The following ANP32A variants were observed in gnomAD, a reference collection of about 807,000 sequenced individuals.
The protein encoded by ANP32A is acidic nuclear phosphoprotein 32 family member A.
ANP32A carries 1 observed loss-of-function variant against 33.9 expected under a neutral mutation model. The observed-to-expected ratio is 0.03, with a 90% confidence interval of 0.01 to 0.14. ANP32A has a LOEUF of 0.14. Ranked by LOEUF, ANP32A falls within the 10% of genes least tolerant of loss-of-function variation. The pLI, the probability that ANP32A is intolerant of heterozygous loss-of-function variation, is 1.00. For synonymous variants in ANP32A, 115 were observed against 120.5 expected, an observed-to-expected ratio of 0.95 and a Z score of 0.30; for missense variants, 155 against 306.0, an observed-to-expected ratio of 0.51 and a Z score of 3.68.
At chr15:68,798,733 C>G (rs530885445) in intron 1 of ANP32A, among the ~76,000 whole-genome samples, 39 of 152,302 alleles carry the variant, frequency 2.6e-4, no homozygotes, top group African/African-American at 8.9e-4. Context: ...CTCTCCCCAC[C>G]ACCACCTTCC....
At chr15:68,803,687 G>A (rs952549845) in intron 1 of ANP32A, among the ~76,000 whole-genome samples, 4 of 151,562 alleles carry the variant, frequency 2.6e-5, no homozygotes, top group African/African-American at 2.4e-5. Context: ...ATGGAAAGTC[G>A]CTTTTACTAG....
intron 3 of ANP32A, among the ~76,000 whole-genome samples, chr15:68,785,699 G>A (rs560849940): frequency 3.7e-4 from 56 of 152,242 alleles, no homozygotes; most frequent in African/African-American, 1.2e-3. Flanking sequence ...AAGCAGGGGC[G>A]GAGAAAGCAC....
chr15:68,782,998 C>G lies in ANP32A; in HGVS notation c.582G>C (p.Glu194Asp). 1 of 1,551,324 alleles carries G rather than the reference C, an allele frequency of 6.4e-7. No homozygotes were observed. Among genetic ancestry groups the G allele is most frequent in the Non-Finnish European group, 8.7e-7 (1 of 1,146,388 alleles). Residue 194 changes from glutamate (E) to aspartate (D), a missense_variant, in exon 5 of 7, where the codon GAG (glutamate) becomes GAC (aspartate). By Grantham distance (45) the Glu-to-Asp change is conservative. This residue lies in a region of ANP32A where 63 missense variants were observed against 82.8 expected (regional missense o/e 0.76). Transcript: ENST00000465139. ...CGTCCTCCTCTTCACCTTCCTCCTC[C>G]TCATCCTCGTCCTCCTCGTCTTCCA... ...QVVEDEEDED[E>D]EEEGEEEDVS...
chr15:68,781,446 A>C (rs921305223), intron 5 of ANP32A: 1 of 143,928 alleles, frequency 6.9e-6, no homozygotes, highest in African/African-American at 2.6e-5. Flanking sequence ...TGTAACAGCT[A>C]TTAGCCAATA....
At chr15:68,811,316 TC>T (rs958335519) in intron 1 of ANP32A, among the ~76,000 whole-genome samples, 1 of 151,822 alleles carries the variant, frequency 6.6e-6, no homozygotes, top group African/African-American at 2.4e-5. Context: ...GGGAGAAGCA[TC>T]CCCAGCTGGA....
intron 1 of ANP32A, chr15:68,818,244 A>ATGGC: frequency 3.7e-6 from 1 of 268,052 alleles, no homozygotes; most frequent in Non-Finnish European, 7.9e-6. Flanking sequence ...CCCGGGAAAC[A>ATGGC]TGGCTGCTCG....
intron 4 of ANP32A, among the ~76,000 whole-genome samples, chr15:68,783,567 A>C (rs1188848821): frequency 6.6e-6 from 1 of 152,160 alleles, no homozygotes; most frequent in Non-Finnish European, 1.5e-5. Context: ...ATCTTGCAAA[A>C]CACTCCCAAT....
intron 1 of ANP32A, among the ~76,000 whole-genome samples, chr15:68,820,402 G>C (rs934790193): frequency 2.6e-5 from 4 of 151,986 alleles, no homozygotes; most frequent in Non-Finnish European, 4.4e-5. Flanking sequence ...AAACGCGTGC[G>C]CCCGCCGGCC....
chr15:68,809,336 TAC>T (rs1014241369), intron 1 of ANP32A, among the ~76,000 whole-genome samples: 5 of 152,216 alleles, frequency 3.3e-5, no homozygotes, highest in African/African-American at 1.2e-4. Flanking sequence ...GCGTTTCTTT[TAC>T]AGAGTGAACT....
At chr15:68,804,077 G>A (rs1293523123) in intron 1 of ANP32A, among the ~76,000 whole-genome samples, 1 of 152,146 alleles carries the variant, frequency 6.6e-6, no homozygotes, top group Admixed American at 6.5e-5. Context: ...TGGGATTACA[G>A]GCATGAGCCA....
intron 3 of ANP32A, chr15:68,787,174 T>G: frequency 1.9e-6 from 1 of 517,360 alleles, no homozygotes; most frequent in South Asian, 2.4e-5. Context: ...ACTAGGGTTC[T>G]ACGCTACCCG....
intron 3 of ANP32A, 154 bp downstream of exon 3, chr15:68,787,259 C>T: frequency 2.7e-6 from 3 of 1,112,302 alleles, no homozygotes; most frequent in Non-Finnish European, 3.9e-6. Flanking sequence ...TCTCTATGGA[C>T]TCAGCAGAAA....
At chr15:68,818,746 C>T (rs1894427137) in intron 1 of ANP32A, among the ~76,000 whole-genome samples, 1 of 151,876 alleles carries the variant, frequency 6.6e-6, no homozygotes, top group African/African-American at 2.4e-5. Flanking sequence ...CCCGCGGCGA[C>T]CCCGGCCCCG....
intron 1 of ANP32A, among the ~76,000 whole-genome samples, chr15:68,806,750 A>G (rs1348489367): frequency 6.6e-6 from 1 of 152,220 alleles, no homozygotes; most frequent in East Asian, 1.9e-4. Context: ...GACCACAACC[A>G]GGGTACACCC....
In ANP32A at chr15:68,780,677, T is replaced by G; in HGVS notation, c.625-204A>C. On this transcript the variant is annotated intron_variant, in intron 5 of 6. Transcript: ENST00000465139. This position sits in a 1 kb window ranked among gnomAD's most constrained non-coding sequence, Gnocchi z 4.3. ...TCATTGGGAAATCTGCAGAAAGCTT[T>G]GAACTCCTTCTCCAGAAAATGTCCG... 1.3e-6 allele frequency: 1 copy of G among 785,240 alleles called. No individual in the cohort carries two copies. Among genetic ancestry groups the G allele is most frequent in the Non-Finnish European group, 1.9e-6 (1 of 530,960 alleles). The allele number at this position is 785,240 out of a possible 1,614,324, so 48.6% of individuals were successfully genotyped here. A position where few individuals can be genotyped will look rare whatever the true frequency, so the allele number is the denominator to read the frequency against.
chr15:68,797,686 A>G (rs1894081283), intron 1 of ANP32A, among the ~76,000 whole-genome samples: 2 of 152,126 alleles, frequency 1.3e-5, no homozygotes, highest in African/African-American at 4.8e-5. Context: ...TTGGCATTGC[A>G]TGTTACGGTT....
chr15:68,807,094 G>A (rs1003719580), intron 1 of ANP32A, among the ~76,000 whole-genome samples: 7 of 152,214 alleles, frequency 4.6e-5, no homozygotes, highest in Non-Finnish European at 1.0e-4. Flanking sequence ...GCTGAGAGGC[G>A]AACGCTGCTG....
intron 1 of ANP32A, chr15:68,789,757 A>G (rs1250526571): frequency 6.6e-6 from 1 of 152,558 alleles, no homozygotes; most frequent in Non-Finnish European, 1.5e-5. Context: ...GGTTTCATCT[A>G]GCACAGCCCA....
In ANP32A at chr15:68,778,728, G is replaced by A. The variant is rs889104331; in HGVS notation, c.*1353C>T. Reference sequence around the variant, plus strand: ...AAGCTTTTAATGAAGATACACCACTGAGTCTTGCTTTAAGACCAAAAATAT... The same window carrying A: ...AAGCTTTTAATGAAGATACACCACTAAGTCTTGCTTTAAGACCAAAAATAT... On this transcript the variant is annotated 3_prime_UTR_variant, in exon 7 of 7. Transcript: ENST00000465139. 6.6e-5 allele frequency: 10 copies of A among 152,190 alleles called. No individual in the cohort carries two copies. The highest frequency in any genetic ancestry group is 2.4e-4 in the African/African-American group (10 of 41,518). 9.4% of individuals were successfully genotyped at this position (152,190 alleles called of 1,614,324 possible). A position where few individuals can be genotyped will look rare whatever the true frequency, so the allele number is the denominator to read the frequency against.
Sources: allele counts gnomAD v4.1 joint callset (sites outside exome capture counted in the v4.1 genomes callset), GRCh38; gene constraint gnomAD v4.1.1; regional missense constraint gnomAD v4.1.1; non-coding constraint Gnocchi (gnomAD v3.1); transcripts MANE v1.5; gene names NCBI Gene and HGNC (gene_info 2026-07-23, HGNC 2026-07-21).